The following AFF4 variants were observed in gnomAD, a reference collection of about 807,000 sequenced individuals.
AFF4 encodes AF4/FMR2 family member 4.
In AFF4, 13 loss-of-function variants were observed where a neutral mutation model predicts 124.8. The ratio of observed to expected loss-of-function variants is 0.10; its 90% CI spans 0.07 to 0.17. AFF4 has a LOEUF of 0.17. Ranked by LOEUF, AFF4 falls within the 10% of genes least tolerant of loss-of-function variation. The pLI is 1.00. For synonymous variants in AFF4, 477 were observed against 496.1 expected, an observed-to-expected ratio of 0.96 and a Z score of 0.51; for missense variants, 1,092 against 1,403.8, an observed-to-expected ratio of 0.78 and a Z score of 3.55.
intron 13 of AFF4, among the ~76,000 whole-genome samples, chr5:132,891,593 G>A (rs956584089): frequency 2.0e-5 from 3 of 152,102 alleles, no homozygotes; most frequent in Non-Finnish European, 4.4e-5. Flanking sequence ...TGCTAACTTA[G>A]CTAAAGATTT....
At chr5:132,915,854 T>C (rs2150085231) in intron 5 of AFF4, among the ~76,000 whole-genome samples, 1 of 152,048 alleles carries the variant, frequency 6.6e-6, no homozygotes, top group Non-Finnish European at 1.5e-5. Context: ...CCCGGCTGAC[T>C]CACTTCTTTG....
rs1283499174 is a variant in AFF4, at chr5:132,900,835, A to G, written c.1134-1194T>C. On this transcript the variant is annotated intron_variant, in intron 7 of 20. Transcript: ENST00000265343. ...AAGCTTAGGGAGAACTACAACTAGG[A>G]AAATGTCTAATTTCTCATTATCAGT... 3 of 972,192 alleles carry G rather than the reference A, an allele frequency of 3.1e-6. No homozygotes were observed. The East Asian group carries it at 3.4e-4, about 111-fold the overall frequency. 60.2% of individuals were successfully genotyped at this position (972,192 alleles called of 1,614,324 possible). A position where few individuals can be genotyped will look rare whatever the true frequency, so the allele number is the denominator to read the frequency against.
rs995399715 is a variant in AFF4 at position 132,891,010 on chromosome 5, T to A, written c.2637+1154A>T. The stretch of plus-strand genomic sequence containing the variant: ...TTTAAAAGCAAATAAATAAATTAAT[T>A]AATAAATTAATTAATTAAATTAAAT... On this transcript the variant is annotated intron_variant, in intron 13 of 20. Transcript: ENST00000265343. 7.2e-4 allele frequency among the ~76,000 whole-genome samples: 109 copies of A among 151,188 alleles called. 1 individual carries two copies. Among genetic ancestry groups the A allele is most frequent in the South Asian group, 3.8e-3 (18 of 4,796 alleles).
intron 1 of AFF4, among the ~76,000 whole-genome samples, chr5:132,958,566 A>C (rs1394171511): frequency 6.6e-6 from 1 of 152,092 alleles, no homozygotes; most frequent in East Asian, 1.9e-4. Flanking sequence ...CCAAAACTTC[A>C]AGAAGGCAAT....
At chr5:132,946,979 C>A (rs1002719763) in intron 1 of AFF4, among the ~76,000 whole-genome samples, 2 of 150,746 alleles carry the variant, frequency 1.3e-5, no homozygotes, top group Non-Finnish European at 3.0e-5. Flanking sequence ...ATCGCTTGAA[C>A]CCGGGAAGCA....
At chr5:132,912,192 A>C (rs1394334636) in intron 5 of AFF4, among the ~76,000 whole-genome samples, 2 of 147,062 alleles carry the variant, frequency 1.4e-5, no homozygotes, top group Middle Eastern at 3.5e-3. Flanking sequence ...AAAAAAAAAA[A>C]CATTTAGCAG....
rs1761363788 is a variant in AFF4, at chr5:132,934,127, G to C, written c.918+20C>G. The C allele has an allele frequency of 1.3e-6, 2 of 1,599,360 alleles. No individual in the cohort carries two copies. The highest frequency in any genetic ancestry group is 2.2e-5 in the East Asian group (1 of 44,746). On this transcript the variant is annotated intron_variant, in intron 3 of 20. Coordinates refer to ENST00000265343, the MANE Select transcript of AFF4 (RefSeq NM_014423.4). Reference sequence around the variant, plus strand: ...GCTTCACGTAGTCACAATGTTAAAAGCTCTAAATGTGTGACTTACATCCAG... The same window carrying C: ...GCTTCACGTAGTCACAATGTTAAAACCTCTAAATGTGTGACTTACATCCAG...
intron 5 of AFF4, among the ~76,000 whole-genome samples, chr5:132,924,691 T>A (rs1257342508): frequency 6.6e-6 from 1 of 151,668 alleles, no homozygotes; most frequent in Admixed American, 6.6e-5. Flanking sequence ...CTGTCTCCAC[T>A]AAAAATACAA....
At chr5:132,949,946 C>T (rs187973769) in intron 1 of AFF4, among the ~76,000 whole-genome samples, 1 of 152,122 alleles carries the variant, frequency 6.6e-6, no homozygotes, top group Non-Finnish European at 1.5e-5. Context: ...TCACTGGAGC[C>T]CAGGAGTTTG....
chr5:132,891,803 T>TA (rs1760264867), intron 13 of AFF4: 1 of 233,340 alleles, frequency 4.3e-6, no homozygotes, highest in Non-Finnish European at 8.3e-6. Flanking sequence ...TTTCTATCTT[T>TA]TTTTTTTTTT....
At chr5:132,954,325 C>A (rs1371473068) in intron 1 of AFF4, among the ~76,000 whole-genome samples, 2 of 152,222 alleles carry the variant, frequency 1.3e-5, no homozygotes, top group African/African-American at 4.8e-5. Context: ...ATTGACACGG[C>A]AGAGTTCCCT....
intron 5 of AFF4, among the ~76,000 whole-genome samples, chr5:132,918,007 C>T (rs527740070): frequency 2.2e-4 from 33 of 151,126 alleles, no homozygotes; most frequent in African/African-American, 7.3e-4. Context: ...CATGAGCCAC[C>T]GCATCCAGCC....
chr5:132,939,783 G>A (rs1761524585), intron 1 of AFF4, among the ~76,000 whole-genome samples: 1 of 152,018 alleles, frequency 6.6e-6, no homozygotes, highest in South Asian at 2.1e-4. Context: ...GCTAATTTTT[G>A]TATTTTTAGT....
rs1167019265 is a variant in AFF4, at chr5:132,892,338, T to G, written c.2463A>C (p.Ser821=). The change falls in exon 13 of 21, where the codon TCA becomes TCC. Residue 821 remains serine (S), a synonymous_variant. Coordinates refer to ENST00000265343, the MANE Select transcript of AFF4 (RefSeq NM_014423.4). ...LLPSPAGPVP[S]KDPKTEHGSR... ...AGCCATGCTCTGTTTTTGGATCTTT[T>G]GAAGGAACAGGCCCAGCGGGAGAAG... The G allele has an allele frequency of 1.2e-6, 2 of 1,614,042 alleles. No individual in the cohort carries two copies. The highest frequency in any genetic ancestry group is 2.7e-5 in the African/African-American group (2 of 74,920).
chr5:132,930,613 A>G (rs1761275673), intron 4 of AFF4, among the ~76,000 whole-genome samples: 1 of 151,866 alleles, frequency 6.6e-6, no homozygotes, highest in African/African-American at 2.4e-5. Context: ...AGGTGTTCAC[A>G]GTGAATTTAA....
At chr5:132,917,299 T>G (rs1185002881) in intron 5 of AFF4, among the ~76,000 whole-genome samples, 3 of 152,142 alleles carry the variant, frequency 2.0e-5, no homozygotes, top group Admixed American at 1.3e-4. Context: ...ATTTAAAAAA[T>G]ATTCAACAAA....
chr5:132,882,798 G>C (rs1206142310), intron 20 of AFF4, among the ~76,000 whole-genome samples: 3 of 147,676 alleles, frequency 2.0e-5, no homozygotes, highest in Non-Finnish European at 4.4e-5. Context: ...AAGCTGCAGT[G>C]AGTCGAGATC....
At chr5:132,888,701 ATTT>A (rs923070134) in intron 14 of AFF4, among the ~76,000 whole-genome samples, 3 of 146,424 alleles carry the variant, frequency 2.0e-5, no homozygotes, top group Non-Finnish European at 4.5e-5. Flanking sequence ...TCAATGATAG[ATTT>A]TTTTTTTTTT....
intron 1 of AFF4, among the ~76,000 whole-genome samples, chr5:132,949,784 C>G (rs971052399): frequency 1.3e-5 from 2 of 149,958 alleles, no homozygotes; most frequent in African/African-American, 5.0e-5. Context: ...ATGGCGCGAA[C>G]CCGGGAGGCG....
Sources: allele counts gnomAD v4.1 joint callset (sites outside exome capture counted in the v4.1 genomes callset), GRCh38; gene constraint gnomAD v4.1.1; transcripts MANE v1.5; gene names NCBI Gene and HGNC (gene_info 2026-07-23, HGNC 2026-07-21).